SV2C: variants seen among roughly 807,000 people sequenced by gnomAD.
SV2C encodes the protein solute carrier family 22 member B3.
In SV2C, 49 loss-of-function variants were observed where a neutral mutation model predicts 79.7. The observed-to-expected ratio is 0.61, with a 90% CI of 0.49 to 0.78. SV2C has a LOEUF of 0.78. SV2C is among the 30% of genes least tolerant of loss of function. The pLI is 0.00. For synonymous variants in SV2C, 334 were observed against 333.2 expected (o/e 1.00, Z -0.03); for missense variants, 833 against 912.9 (o/e 0.91, Z 1.13).
chr5:75,916,372 T>C, the SV2C span, among the ~76,000 whole-genome samples: 3 of 122,588 alleles, frequency 2.4e-5, no homozygotes, highest in Admixed American at 8.3e-5. Flanking sequence ...TCCTCCTCCT[T>C]CCTCCTCCTC....
the SV2C span, among the ~76,000 whole-genome samples, chr5:76,072,179 C>A: frequency 6.6e-6 from 1 of 152,196 alleles, no homozygotes; most frequent in East Asian, 1.9e-4. Flanking sequence ...GAAGGCACTG[C>A]AGAATTTAAA....
chr5:76,062,152 G>A, the SV2C span, among the ~76,000 whole-genome samples: 1 of 152,028 alleles, frequency 6.6e-6, no homozygotes, highest in African/African-American at 2.4e-5. Context: ...ATGGAAAGGA[G>A]GGGATGAGAA....
the SV2C span, among the ~76,000 whole-genome samples, chr5:76,024,522 G>A: frequency 6.6e-6 from 1 of 152,026 alleles, no homozygotes; most frequent in Non-Finnish European, 1.5e-5. Context: ...ATTTGTAGGA[G>A]TTTTTTGCTA....
At chr5:75,919,089 G>C in the SV2C span, among the ~76,000 whole-genome samples, 1 of 152,158 alleles carries the variant, frequency 6.6e-6, no homozygotes, top group East Asian at 1.9e-4. Flanking sequence ...GAATGGAACT[G>C]TAAGTGAGAA....
the SV2C span, among the ~76,000 whole-genome samples, chr5:76,003,251 GGT>G: frequency 3.9e-5 from 6 of 152,128 alleles, no homozygotes; most frequent in African/African-American, 1.4e-4. Flanking sequence ...CCCAGTCTCT[GGT>G]ATGTCCTTAT....
chr5:76,053,848 G>C, the SV2C span, among the ~76,000 whole-genome samples: 1 of 152,042 alleles, frequency 6.6e-6, no homozygotes, highest in Non-Finnish European at 1.5e-5. Flanking sequence ...GAAGGTCCAT[G>C]TATCTGCCCT....
the SV2C span, among the ~76,000 whole-genome samples, chr5:76,026,464 A>G: frequency 6.6e-6 from 1 of 152,334 alleles, no homozygotes; most frequent in African/African-American, 2.4e-5. Context: ...GGAGGCTCAC[A>G]GTCTAATTGA....
At chr5:75,886,627 G>A in the SV2C span, among the ~76,000 whole-genome samples, 10 of 152,142 alleles carry the variant, frequency 6.6e-5, no homozygotes, top group African/African-American at 2.4e-4. Flanking sequence ...ATGGTCTGGG[G>A]ATTGTGCTAG....
chr5:76,054,641 C>G, the SV2C span, among the ~76,000 whole-genome samples: 3 of 152,086 alleles, frequency 2.0e-5, no homozygotes, highest in Admixed American at 1.3e-4. Context: ...TTCTCCAAAC[C>G]CTTGCCAGCA....
At chr5:75,946,947 G>A in the SV2C span, among the ~76,000 whole-genome samples, 1 of 152,042 alleles carries the variant, frequency 6.6e-6, no homozygotes, top group Non-Finnish European at 1.5e-5. Context: ...GTTTATTACT[G>A]TTTTATTTTT....
intron 2 of SV2C, among the ~76,000 whole-genome samples, chr5:76,164,681 T>C (rs1742994612): frequency 6.6e-6 from 1 of 152,020 alleles, no homozygotes; most frequent in Admixed American, 6.6e-5. Context: ...TGTCACTTTT[T>C]GTCCTTTCTT....
the SV2C span, among the ~76,000 whole-genome samples, chr5:75,941,694 G>A: frequency 1.3e-5 from 2 of 152,174 alleles, no homozygotes; most frequent in Non-Finnish European, 2.9e-5. Flanking sequence ...TAATGTTGGG[G>A]CACTTTAGGC....
At chr5:75,914,583 G>A in the SV2C span, among the ~76,000 whole-genome samples, 7 of 152,148 alleles carry the variant, frequency 4.6e-5, no homozygotes, top group African/African-American at 1.4e-4. Flanking sequence ...TTTGTGAATT[G>A]GTTCAGTGAA....
intron 4 of SV2C, chr5:76,281,138 A>C: frequency 1.8e-6 from 1 of 542,070 alleles, no homozygotes; most frequent in Non-Finnish European, 3.8e-6. Flanking sequence ...AGATATGGAC[A>C]ACTAAGTGAG....
chr5:75,874,781 A>G, the SV2C span, among the ~76,000 whole-genome samples: 1 of 152,194 alleles, frequency 6.6e-6, no homozygotes, highest in Non-Finnish European at 1.5e-5. Flanking sequence ...ACCAAGAGCC[A>G]AATCAGAAAG....
the SV2C span, among the ~76,000 whole-genome samples, chr5:76,057,966 A>T: frequency 6.6e-6 from 1 of 152,158 alleles, no homozygotes; most frequent in Non-Finnish European, 1.5e-5. Context: ...TGTACTTTAT[A>T]GGGACTATGT....
chr5:75,878,975 G>A, the SV2C span, among the ~76,000 whole-genome samples: 1 of 152,174 alleles, frequency 6.6e-6, no homozygotes, highest in Non-Finnish European at 1.5e-5. Context: ...GGAGCAGGCA[G>A]CATCTCACAT....
At chr5:75,965,707 T>C in the SV2C span, among the ~76,000 whole-genome samples, 1 of 152,350 alleles carries the variant, frequency 6.6e-6, no homozygotes, top group East Asian at 1.9e-4. Context: ...CTCCTCTTTC[T>C]ATAGTTTTGA....
At chr5:75,859,889 C>A in the SV2C span, among the ~76,000 whole-genome samples, 1 of 130,102 alleles carries the variant, frequency 7.7e-6, no homozygotes, top group Non-Finnish European at 1.5e-5. Context: ...CTGATTAATC[C>A]TTTTCTCATC....
Sources: gnomAD v4.1 joint callset for allele counts (sites outside exome capture counted in the v4.1 genomes callset) on GRCh38, gnomAD v4.1.1 for gene constraint, MANE v1.5 for transcripts, NCBI Gene and HGNC (gene_info 2026-07-23, HGNC 2026-07-21) for gene names.